The following NKAIN2 variants were observed in gnomAD, a reference collection of about 807,000 sequenced individuals.
The protein encoded by NKAIN2 is sodium/potassium transporting ATPase interacting 2, also known as sodium/potassium-transporting ATPase subunit beta-1-interacting protein 2.
In NKAIN2, 14 loss-of-function variants were observed where a neutral mutation model predicts 32.6. The ratio of observed to expected loss-of-function variants is 0.43; its 90% confidence interval spans 0.28 to 0.67. NKAIN2 has a LOEUF of 0.67. Ranked by LOEUF, NKAIN2 falls within the 30% of genes least tolerant of loss-of-function variation. The pLI is 0.17. For missense variants in NKAIN2, 198 were observed against 258.3 expected, an observed-to-expected ratio of 0.77 and a Z score of 1.60; for synonymous variants, 80 against 87.2, an observed-to-expected ratio of 0.92 and a Z score of 0.46.
chr6:124,008,757 C>G (rs957356551), intron 1 of NKAIN2, among the ~76,000 whole-genome samples: 5 of 152,160 alleles, frequency 3.3e-5, no homozygotes, highest in African/African-American at 1.2e-4. Flanking sequence ...TGATAAAGGG[C>G]TGTCTTGGCG....
intron 3 of NKAIN2, among the ~76,000 whole-genome samples, chr6:124,421,741 G>A (rs332597): frequency 0.26 from 39,611 of 151,938 alleles, 5,808 homozygotes; most frequent in African/African-American, 0.4. Flanking sequence ...CTAATAGAAG[G>A]TAAGGGTTAT....
chr6:124,451,609 C>T (rs1179984280), intron 3 of NKAIN2, among the ~76,000 whole-genome samples: 1 of 152,074 alleles, frequency 6.6e-6, no homozygotes, highest in Admixed American at 6.6e-5. Context: ...TGAGGATAAT[C>T]GAAGCCAGTG....
intron 3 of NKAIN2, chr6:124,490,239 T>G (rs1193515744): frequency 3.5e-6 from 1 of 281,994 alleles, no homozygotes; most frequent in Non-Finnish European, 7.0e-6. Context: ...AAAAAAAAAC[T>G]AAGCCAATTC....
intron 3 of NKAIN2, among the ~76,000 whole-genome samples, chr6:124,446,334 G>GT (rs960488561): frequency 3.6e-5 from 3 of 83,734 alleles, no homozygotes; most frequent in African/African-American, 5.4e-5. Context: ...AAATATATAA[G>GT]TTTTTTGTTT....
intron 1 of NKAIN2, among the ~76,000 whole-genome samples, chr6:124,053,884 T>G (rs2114839758): frequency 6.6e-6 from 1 of 152,110 alleles, no homozygotes; most frequent in East Asian, 1.9e-4. Flanking sequence ...CCATACAAAT[T>G]TCAAGGTCCC....
At chr6:124,157,285 A>T (rs1008947327) in intron 1 of NKAIN2, among the ~76,000 whole-genome samples, 12 of 151,448 alleles carry the variant, frequency 7.9e-5, no homozygotes, top group African/African-American at 2.7e-4. Context: ...ACACACACAC[A>T]CACAGCATGC....
chr6:124,459,982 T>G (rs1185720823), intron 3 of NKAIN2, among the ~76,000 whole-genome samples: 3 of 151,704 alleles, frequency 2.0e-5, no homozygotes, highest in African/African-American at 7.2e-5. Context: ...TATATTGGAT[T>G]CATGTTTCTT....
chr6:124,282,011 AT>A (rs2114918210), intron 1 of NKAIN2, among the ~76,000 whole-genome samples: 1 of 152,276 alleles, frequency 6.6e-6, no homozygotes, highest in East Asian at 1.9e-4. Flanking sequence ...GTTTATTATC[AT>A]CCCCCCTGAG....
intron 4 of NKAIN2, among the ~76,000 whole-genome samples, chr6:124,673,550 G>GGTT (rs1187836310): frequency 1.3e-5 from 2 of 151,874 alleles, no homozygotes; most frequent in Non-Finnish European, 2.9e-5. Flanking sequence ...TTTTCTGTTT[G>GGTT]GTTGTTGTTG....
At chr6:124,014,139 T>A (rs936433078) in intron 1 of NKAIN2, among the ~76,000 whole-genome samples, 6 of 152,196 alleles carry the variant, frequency 3.9e-5, no homozygotes, top group African/African-American at 1.4e-4. Flanking sequence ...AATGTTTTCT[T>A]TCATTTGCAT....
chr6:124,042,686 A>G (rs921145354), intron 1 of NKAIN2, among the ~76,000 whole-genome samples: 5 of 152,072 alleles, frequency 3.3e-5, no homozygotes, highest in Admixed American at 2.0e-4. Context: ...CTTGACACCA[A>G]ATGAATGCAT....
At chr6:124,703,599 C>T (rs1263412139) in intron 4 of NKAIN2, among the ~76,000 whole-genome samples, 3 of 151,982 alleles carry the variant, frequency 2.0e-5, no homozygotes, top group Non-Finnish European at 2.9e-5. Flanking sequence ...ATTGTACAGA[C>T]TAAACACTGG....
At chr6:124,418,266 G>A (rs1774585471) in intron 3 of NKAIN2, among the ~76,000 whole-genome samples, 1 of 151,926 alleles carries the variant, frequency 6.6e-6, no homozygotes. Context: ...CCAGTTTAAA[G>A]CCAGGCTAAG....
At chr6:124,792,961 G>C (rs1779810463) in intron 5 of NKAIN2, among the ~76,000 whole-genome samples, 1 of 151,902 alleles carries the variant, frequency 6.6e-6, no homozygotes, top group Non-Finnish European at 1.5e-5. Flanking sequence ...ATGTACTTTA[G>C]AAAAAATACA....
chr6:123,914,288 A>G (rs1775379598), intron 1 of NKAIN2, among the ~76,000 whole-genome samples: 4 of 151,988 alleles, frequency 2.6e-5, no homozygotes, highest in Admixed American at 2.6e-4. Context: ...AGACAGTCAG[A>G]GAGAGGGAGA....
chr6:124,611,525 G>T (rs138677017), intron 3 of NKAIN2, among the ~76,000 whole-genome samples: 1 of 151,888 alleles, frequency 6.6e-6, no homozygotes, highest in Non-Finnish European at 1.5e-5. Flanking sequence ...CTCTCCCTTC[G>T]CTTGCCCCCA....
At chr6:124,143,939 A>G (rs1025254167) in intron 1 of NKAIN2, among the ~76,000 whole-genome samples, 1 of 152,232 alleles carries the variant, frequency 6.6e-6, no homozygotes, top group African/African-American at 2.4e-5. Context: ...AAAATGCAAT[A>G]TAAAAGAAAA....
chr6:124,009,604 T>A (rs527292192), intron 1 of NKAIN2, among the ~76,000 whole-genome samples: 18 of 152,282 alleles, frequency 1.2e-4, no homozygotes, highest in African/African-American at 4.3e-4. Context: ...AGTTTCACTG[T>A]TTATACTTCT....
intron 5 of NKAIN2, 121 bp downstream of exon 5, chr6:124,791,520 G>A: frequency 1.8e-6 from 1 of 555,296 alleles, no homozygotes; most frequent in East Asian, 2.8e-5. Context: ...TGGAAAATAA[G>A]CCTTTTGTGC....
Sources: allele counts gnomAD v4.1 joint callset (sites outside exome capture counted in the v4.1 genomes callset), GRCh38; gene constraint gnomAD v4.1.1; transcripts MANE v1.5; gene names NCBI Gene and HGNC (gene_info 2026-07-23, HGNC 2026-07-21).